Variants in SPPL3 observed in about 807,000 individuals in gnomAD.
The protein encoded by SPPL3 is signal peptide peptidase-like 3.
A neutral mutation model predicts 42.4 loss-of-function variants in SPPL3; 5 were observed. That is an observed-to-expected ratio of 0.12 (90% CI 0.06 to 0.25). SPPL3 has a LOEUF of 0.25. Among genes scored for constraint, SPPL3 ranks in the 10% least tolerant of loss-of-function variants. The pLI is 1.00. For missense variants in SPPL3, 235 were observed against 489.0 expected (o/e 0.48, Z 4.90); for synonymous variants, 195 against 181.8 (o/e 1.07, Z -0.58).
chr12:120,875,454 C>A (rs1364649418), intron 1 of SPPL3, among the ~76,000 whole-genome samples: 1 of 151,378 alleles, frequency 6.6e-6, no homozygotes, highest in Non-Finnish European at 1.5e-5. Flanking sequence ...ATGGTGAAAC[C>A]CCATCTCTAC....
At chr12:120,873,782 C>G (rs1322495498) in intron 1 of SPPL3, among the ~76,000 whole-genome samples, 3 of 151,618 alleles carry the variant, frequency 2.0e-5, no homozygotes. Context: ...TGAGGCAGGA[C>G]AATCACTTGA....
intron 3 of SPPL3, among the ~76,000 whole-genome samples, chr12:120,787,218 CAAG>C (rs1592961918): frequency 6.6e-6 from 1 of 152,120 alleles, no homozygotes; most frequent in Non-Finnish European, 1.5e-5. Context: ...ACAATCTAAG[CAAG>C]AAGATTAAGA....
rs71076676 is a variant in SPPL3 at position 120,876,616 on chromosome 12, C to CAA, written c.23+27227_23+27228dup. Among the ~76,000 whole-genome samples the CAA allele has an allele frequency of 9.0e-4, 46 of 51,178 alleles. 1 individual carries two copies. Among genetic ancestry groups the CAA allele is most frequent in the South Asian group, 6.5e-3 (7 of 1,078 alleles). 33.6% of individuals were successfully genotyped at this position (51,178 alleles called of 152,430 possible). A position where few individuals can be genotyped will look rare whatever the true frequency, so the allele number is the denominator to read the frequency against. On this transcript the variant is annotated intron_variant, in intron 1 of 10. Transcript: ENST00000353487. ...TGTGTGACAGAGCGAGACTCTGTCT[C>CAA]AAAAAAAAAAAAAAAAAAAAGAAGA...
At chr12:120,766,802 C>T (rs935109085) in intron 9 of SPPL3, among the ~76,000 whole-genome samples, 1 of 152,220 alleles carries the variant, frequency 6.6e-6, no homozygotes, top group Non-Finnish European at 1.5e-5. Context: ...TGCCTTGCCC[C>T]TCTGAGTTTG....
At position 120,822,755 on chromosome 12, in the gene SPPL3, C is replaced by CAT. The variant is rs1871110743; in HGVS notation, c.24-11871_24-11870dup. Among the ~76,000 whole-genome samples the CAT allele has an allele frequency of 2.0e-5, 3 of 152,244 alleles. No homozygotes were observed. In the South Asian group the frequency reaches 6.2e-4, roughly 32 times the overall value. ...GACCCTGGGGGCACACTTCTACCTG[C>CAT]ATATACCACGGTCACCTCAAATTCA... On this transcript the variant is annotated intron_variant, in intron 1 of 10. Coordinates refer to ENST00000353487, the MANE Select transcript of SPPL3 (RefSeq NM_139015.5).
Position 120,763,910 on chromosome 12 carries a change from T to C in SPPL3, c.*1089A>G, listed in dbSNP as rs1592950015. ...TACAAAAAAATAGAAAATAGAAAAATGTATTTACAAGTAGTACGTTACTAT... is the reference window on the plus strand; with the variant it reads ...TACAAAAAAATAGAAAATAGAAAAACGTATTTACAAGTAGTACGTTACTAT... On this transcript the variant is annotated 3_prime_UTR_variant, in exon 11 of 11. Coordinates refer to ENST00000353487, the MANE Select transcript of SPPL3 (RefSeq NM_139015.5). The C allele has an allele frequency of 7.0e-6, 1 of 143,098 alleles. No homozygotes were observed. The highest frequency in any genetic ancestry group is 2.2e-4 in the South Asian group (1 of 4,586). The allele number at this position is 143,098 out of a possible 1,614,324, so 8.9% of individuals were successfully genotyped here.
At chr12:120,777,251 A>G (rs1956719791) in intron 6 of SPPL3, among the ~76,000 whole-genome samples, 1 of 152,220 alleles carries the variant, frequency 6.6e-6, no homozygotes, top group South Asian at 2.1e-4. Context: ...AAGCCACTGG[A>G]CTAGGTAAGA....
chr12:120,813,846 T>C (rs1157548475), intron 1 of SPPL3, among the ~76,000 whole-genome samples: 1 of 152,174 alleles, frequency 6.6e-6, no homozygotes, highest in Non-Finnish European at 1.5e-5. Context: ...CTAGAGACTT[T>C]CTACTTTAAC....
At chr12:120,871,457 C>T (rs1716899137) in intron 1 of SPPL3, among the ~76,000 whole-genome samples, 1 of 152,028 alleles carries the variant, frequency 6.6e-6, no homozygotes, top group South Asian at 2.1e-4. Flanking sequence ...ATGCTAAAGT[C>T]CTTTATATAA....
At chr12:120,869,341 C>T (rs1274941487) in intron 1 of SPPL3, among the ~76,000 whole-genome samples, 1 of 152,152 alleles carries the variant, frequency 6.6e-6, no homozygotes, top group Non-Finnish European at 1.5e-5. Context: ...CACAACAGTG[C>T]CATTCATAGA....
At chr12:120,831,153 A>G (rs1273405017) in intron 1 of SPPL3, among the ~76,000 whole-genome samples, 1 of 151,990 alleles carries the variant, frequency 6.6e-6, no homozygotes, top group Non-Finnish European at 1.5e-5. Flanking sequence ...GGACCTTCAG[A>G]CTCAGATCAG....
intron 1 of SPPL3, among the ~76,000 whole-genome samples, chr12:120,889,655 A>AT (rs1180198485): frequency 3.3e-5 from 5 of 152,216 alleles, no homozygotes; most frequent in Admixed American, 3.3e-4. Context: ...CTGTAGATTC[A>AT]TAAGTATATT....
intron 3 of SPPL3, among the ~76,000 whole-genome samples, chr12:120,789,119 T>C (rs1247040991): frequency 6.6e-6 from 1 of 152,200 alleles, no homozygotes; most frequent in East Asian, 1.9e-4. Context: ...GAAGAAATGT[T>C]GTCAAGGATA....
At chr12:120,869,842 T>C (rs543253390) in intron 1 of SPPL3, among the ~76,000 whole-genome samples, 4 of 152,322 alleles carry the variant, frequency 2.6e-5, no homozygotes, top group African/African-American at 7.2e-5. Flanking sequence ...TGAGAACATA[T>C]ATGTTCTGGA....
At chr12:120,860,038 CAAG>C (rs541428330) in intron 1 of SPPL3, among the ~76,000 whole-genome samples, 3 of 152,102 alleles carry the variant, frequency 2.0e-5, no homozygotes, top group Admixed American at 1.3e-4. Context: ...GCTAACAGTT[CAAG>C]AAGAGCTTAG....
chr12:120,799,444 G>C (rs1363716357), intron 2 of SPPL3, among the ~76,000 whole-genome samples: 1 of 152,152 alleles, frequency 6.6e-6, no homozygotes, highest in Non-Finnish European at 1.5e-5. Context: ...GTAAGCTAGG[G>C]ATCTTCTGTA....
chr12:120,901,795 T>C (rs1873993874), intron 1 of SPPL3: 1 of 664,908 alleles, frequency 1.5e-6, no homozygotes, highest in Non-Finnish European at 1.9e-6. Context: ...AGAATAAATT[T>C]GTAAATTGTC....
At chr12:120,863,935 C>A (rs1055407249) in intron 1 of SPPL3, among the ~76,000 whole-genome samples, 1 of 151,804 alleles carries the variant, frequency 6.6e-6, no homozygotes, top group African/African-American at 2.4e-5. Flanking sequence ...ACCTTGGCCT[C>A]CCAAGGTGCT....
At chr12:120,877,901 A>C (rs1182947970) in intron 1 of SPPL3, among the ~76,000 whole-genome samples, 1 of 152,154 alleles carries the variant, frequency 6.6e-6, no homozygotes, top group East Asian at 1.9e-4. Context: ...TCACGCCTAT[A>C]ATCCCAACTA....
Sources: allele counts gnomAD v4.1 joint callset (sites outside exome capture counted in the v4.1 genomes callset), GRCh38; gene constraint gnomAD v4.1.1; transcripts MANE v1.5; gene names NCBI Gene and HGNC (gene_info 2026-07-23, HGNC 2026-07-21).